GALNTL6: variants seen among roughly 807,000 people sequenced by gnomAD.
The protein encoded by GALNTL6 is polypeptide N-acetylgalactosaminyltransferase-like 6.
A neutral mutation model predicts 73.7 loss-of-function variants in GALNTL6; 46 were observed. That is an observed-to-expected ratio of 0.62 (90% CI 0.49 to 0.80). GALNTL6 has a LOEUF of 0.80. Ranked by LOEUF, GALNTL6 falls within the 30% of genes least tolerant of loss-of-function variation. The pLI is 0.00. For synonymous variants in GALNTL6, 259 were observed against 263.7 expected, an observed-to-expected ratio of 0.98 and a Z score of 0.17; for missense variants, 604 against 755.0, an observed-to-expected ratio of 0.80 and a Z score of 2.34.
chr4:171,986,953 G>A (rs1248434474), intron 2 of GALNTL6, among the ~76,000 whole-genome samples: 4 of 152,212 alleles, frequency 2.6e-5, no homozygotes, highest in African/African-American at 9.7e-5. Context: ...TAAACCGGCA[G>A]TGTAAACAAG....
chr4:172,554,686 C>T (rs1366564005), intron 5 of GALNTL6, among the ~76,000 whole-genome samples: 1 of 152,084 alleles, frequency 6.6e-6, no homozygotes, highest in Non-Finnish European at 1.5e-5. Flanking sequence ...TCTTTTATTG[C>T]ATCTTTTCCT....
intron 5 of GALNTL6, among the ~76,000 whole-genome samples, chr4:172,492,593 T>C (rs1232084235): frequency 6.6e-6 from 1 of 152,196 alleles, no homozygotes; most frequent in Non-Finnish European, 1.5e-5. Context: ...GCTCGCAGTA[T>C]AATAGTTCAG....
intron 5 of GALNTL6, among the ~76,000 whole-genome samples, chr4:172,797,680 A>G (rs1476721010): frequency 6.6e-6 from 1 of 152,048 alleles, no homozygotes; most frequent in East Asian, 1.9e-4. Context: ...CTGGGACTAC[A>G]GGCACACACC....
At position 172,206,775 on chromosome 4, in the gene GALNTL6, G is replaced by GTTTT. The variant is rs1214874685; in HGVS notation, c.139-22878_139-22875dup. 6.0e-4 allele frequency among the ~76,000 whole-genome samples: 48 copies of GTTTT among 79,770 alleles called. 15 individuals are homozygous for GTTTT. The highest frequency in any genetic ancestry group is 1.2e-3 in the East Asian group (1 of 816). The allele number at this position is 79,770 out of a possible 152,430, so 52.3% of individuals were successfully genotyped here. On this transcript the variant is annotated intron_variant, in intron 2 of 12. Transcript: ENST00000506823. Reference sequence around the variant, plus strand: ...ATGCATATCAGAGCAGATGAAACGTGTTTTTTGTTTTGTTTTGTTTTGTTT... The same window carrying GTTTT: ...ATGCATATCAGAGCAGATGAAACGTGTTTTTTTTTTGTTTTGTTTTGTTTTGTTT...
At chr4:172,486,190 C>G (rs1471907936) in intron 5 of GALNTL6, among the ~76,000 whole-genome samples, 2 of 151,882 alleles carry the variant, frequency 1.3e-5, no homozygotes, top group African/African-American at 2.4e-5. Flanking sequence ...AAGAAGGCTC[C>G]CAGCAACAAG....
chr4:172,995,926 CAACAGG>C (rs1751758514), intron 10 of GALNTL6, among the ~76,000 whole-genome samples: 1 of 152,170 alleles, frequency 6.6e-6, no homozygotes, highest in Non-Finnish European at 1.5e-5. Context: ...GCCTCTGTTC[CAACAGG>C]GCACTCATGA....
chr4:172,566,965 C>T (rs1736576930), intron 5 of GALNTL6, among the ~76,000 whole-genome samples: 1 of 150,978 alleles, frequency 6.6e-6, no homozygotes, highest in Admixed American at 6.6e-5. Context: ...GATTCATTTT[C>T]AATAACTAGT....
intron 8 of GALNTL6, among the ~76,000 whole-genome samples, chr4:172,929,921 G>A (rs943491510): frequency 2.6e-5 from 4 of 152,136 alleles, no homozygotes; most frequent in Non-Finnish European, 4.4e-5. Context: ...TTAAGTGTGC[G>A]TCTGTCTGAG....
intron 2 of GALNTL6, among the ~76,000 whole-genome samples, chr4:172,060,451 C>G (rs1057301803): frequency 1.3e-5 from 2 of 152,062 alleles, no homozygotes; most frequent in African/African-American, 4.8e-5. Context: ...TCCTGTTTCT[C>G]TATTTTTACA....
chr4:172,805,275 A>G (rs1477342423), intron 5 of GALNTL6, among the ~76,000 whole-genome samples: 1 of 152,178 alleles, frequency 6.6e-6, no homozygotes, highest in Non-Finnish European at 1.5e-5. Flanking sequence ...CACTAAATTC[A>G]CTAATGAATG....
chr4:171,897,875 C>T (rs376912098), intron 2 of GALNTL6, among the ~76,000 whole-genome samples: 6 of 148,074 alleles, frequency 4.1e-5, no homozygotes, highest in Admixed American at 6.9e-5. Context: ...TGTAGTGAGC[C>T]GAGATCGTGC....
intron 5 of GALNTL6, among the ~76,000 whole-genome samples, chr4:172,432,708 A>C (rs990580416): frequency 6.6e-6 from 1 of 152,128 alleles, no homozygotes; most frequent in Non-Finnish European, 1.5e-5. Flanking sequence ...ATAGGTATGT[A>C]AATTATATCT....
At chr4:172,393,973 A>G (rs1028563290) in intron 5 of GALNTL6, among the ~76,000 whole-genome samples, 1 of 152,180 alleles carries the variant, frequency 6.6e-6, no homozygotes, top group Non-Finnish European at 1.5e-5. Context: ...TATTATAACT[A>G]AAGAAACCAT....
At chr4:172,153,747 A>G (rs1170555542) in intron 2 of GALNTL6, among the ~76,000 whole-genome samples, 1 of 152,218 alleles carries the variant, frequency 6.6e-6, no homozygotes, top group Non-Finnish European at 1.5e-5. Flanking sequence ...TACAAAACGT[A>G]TGGTCACACA....
chr4:172,843,948 A>G (rs1030485264), intron 7 of GALNTL6, among the ~76,000 whole-genome samples: 17 of 152,124 alleles, frequency 1.1e-4, no homozygotes, highest in African/African-American at 3.9e-4. Context: ...TACTCCAGCT[A>G]TTTGGGAGGC....
In GALNTL6 at chr4:172,880,352, A is replaced by G. The variant is rs116876080; in HGVS notation, c.924-2438A>G. On this transcript the variant is annotated intron_variant, in intron 7 of 12. Coordinates refer to ENST00000506823, the MANE Select transcript of GALNTL6 (RefSeq NM_001034845.3). ...AAATAATGAACCATTGATACACGCT[A>G]TAGCATGGATGAATCTCAAAATAGT... Among the ~76,000 whole-genome samples, 54 of 152,240 alleles carry G rather than the reference A, an allele frequency of 3.5e-4. No individual in the cohort carries two copies. The East Asian group carries it at 8.9e-3, about 25-fold the overall frequency.
At chr4:172,112,132 T>C (rs1732868517) in intron 2 of GALNTL6, among the ~76,000 whole-genome samples, 1 of 152,070 alleles carries the variant, frequency 6.6e-6, no homozygotes, top group South Asian at 2.1e-4. Flanking sequence ...TTTTCCAAAA[T>C]GTCATATCCA....
At chr4:171,886,091 T>G (rs1029937421) in intron 2 of GALNTL6, among the ~76,000 whole-genome samples, 5 of 152,058 alleles carry the variant, frequency 3.3e-5, no homozygotes, top group African/African-American at 1.2e-4. Flanking sequence ...GGATAAAATA[T>G]CTACATAATT....
intron 2 of GALNTL6, among the ~76,000 whole-genome samples, chr4:172,092,162 G>T (rs1057282475): frequency 6.6e-6 from 1 of 151,836 alleles, no homozygotes; most frequent in Non-Finnish European, 1.5e-5. Context: ...CCACAATAAC[G>T]CAATTACTTA....
Sources: allele counts gnomAD v4.1 joint callset (sites outside exome capture counted in the v4.1 genomes callset), GRCh38; gene constraint gnomAD v4.1.1; transcripts MANE v1.5; gene names NCBI Gene and HGNC (gene_info 2026-07-23, HGNC 2026-07-21).